Variants in RIN3 observed in about 807,000 individuals in gnomAD.
The protein encoded by RIN3 is Ras and Rab interactor 3, also known as RAB5 interacting protein 3.
Under a neutral mutation model 76.3 loss-of-function variants are expected in RIN3, and 54 were observed. The observed-to-expected ratio is 0.71, with a 90% CI of 0.57 to 0.89. The LOEUF (loss-of-function observed/expected upper bound fraction) is 0.89. RIN3 is among the 40% of genes least tolerant of loss of function. The probability of loss-of-function intolerance (pLI) is 0.00; values close to 1 mark genes in which losing one functional copy is unlikely to be tolerated. For missense variants in RIN3, 1,256 were observed against 1,322.1 expected (o/e 0.95, Z 0.78); for synonymous variants, 576 against 564.0 (o/e 1.02, Z -0.30).
intron 1 of RIN3, among the ~76,000 whole-genome samples, chr14:92,521,952 C>G (rs1167969909): frequency 1.3e-5 from 2 of 152,054 alleles, no homozygotes; most frequent in Non-Finnish European, 2.9e-5. Context: ...CAAGCATATG[C>G]AGAGAAGCGT....
At chr14:92,578,036 T>C (rs2140060268) in intron 3 of RIN3, among the ~76,000 whole-genome samples, 1 of 152,218 alleles carries the variant, frequency 6.6e-6, no homozygotes, top group East Asian at 1.9e-4. Context: ...GCCCAGGATC[T>C]GGAGACTAGC....
At chr14:92,674,046 C>T (rs1051857690) in intron 7 of RIN3, among the ~76,000 whole-genome samples, 3 of 152,100 alleles carry the variant, frequency 2.0e-5, no homozygotes, top group African/African-American at 7.2e-5. Flanking sequence ...TTGATAAACA[C>T]ATATGGGGCA....
At chr14:92,533,910 G>T (rs917525079) in intron 1 of RIN3, among the ~76,000 whole-genome samples, 6 of 152,144 alleles carry the variant, frequency 3.9e-5, no homozygotes, top group African/African-American at 1.4e-4. Flanking sequence ...CTCATTTCAA[G>T]TGTTTAATAA....
At chr14:92,520,540 C>T (rs1281623220) in intron 1 of RIN3, among the ~76,000 whole-genome samples, 5 of 152,196 alleles carry the variant, frequency 3.3e-5, no homozygotes, top group South Asian at 2.1e-4. Flanking sequence ...CCCTACCTCC[C>T]GACTGACATT....
At chr14:92,659,621 A>G (rs1385110780) in intron 7 of RIN3, 152 bp downstream of exon 7, 1 of 671,720 alleles carries the variant, frequency 1.5e-6, no homozygotes, top group African/African-American at 1.8e-5. Flanking sequence ...GGTGGGGTGT[A>G]ATTCCTGGGC....
chr14:92,522,544 C>G (rs1896628787), intron 1 of RIN3, among the ~76,000 whole-genome samples: 1 of 152,164 alleles, frequency 6.6e-6, no homozygotes, highest in Non-Finnish European at 1.5e-5. Context: ...TACCTGCCAT[C>G]TTCGATGGTG....
intron 7 of RIN3, among the ~76,000 whole-genome samples, chr14:92,661,723 T>TCTCACACACACACACACA (rs1555392557): frequency 2.2e-5 from 3 of 134,878 alleles, no homozygotes; most frequent in African/African-American, 8.6e-5. Context: ...TGAGACTCTG[T>TCTCACACACACACACACA]CACACACACA....
chr14:92,520,481 C>T (rs60874476), intron 1 of RIN3, among the ~76,000 whole-genome samples: 10,078 of 152,250 alleles, frequency 0.066, 1,122 homozygotes, highest in African/African-American at 0.23. Context: ...GACTCTGGGA[C>T]GTTTAGCAAA....
Position 92,661,760 on chromosome 14 carries a change from A to ACACAC in RIN3, c.2335+2291_2335+2292insCACAC, listed in dbSNP as rs1419895576. 4.0e-3 allele frequency among the ~76,000 whole-genome samples: 510 copies of ACACAC among 128,010 alleles called. 3 individuals carry two copies. Among genetic ancestry groups the ACACAC allele is most frequent in the Middle Eastern group, 0.015 (4 of 266 alleles). 84.0% of individuals were successfully genotyped at this position (128,010 alleles called of 152,430 possible). On this transcript the variant is annotated intron_variant, in intron 7 of 9. Coordinates refer to ENST00000216487, the MANE Select transcript of RIN3 (RefSeq NM_024832.5). ...ACACACACACACACACACACACACAAAAAATAGAATTGTGCTCCCCAAAAG... is the reference window on the plus strand; with the variant it reads ...ACACACACACACACACACACACACAACACACAAAATAGAATTGTGCTCCCCAAAAG...
At chr14:92,525,310 A>G (rs2139997419) in intron 1 of RIN3, among the ~76,000 whole-genome samples, 1 of 152,194 alleles carries the variant, frequency 6.6e-6, no homozygotes, top group East Asian at 1.9e-4. Flanking sequence ...GCCCCACTAG[A>G]CTGTAAGCTC....
rs146427598 is a variant in RIN3 at position 92,565,070 on chromosome 14, G to A, written c.249+9115G>A. ...GGTGGACAAAGGTGGCCCCGGCACT[G>A]GCACTTGTCTCCCTGTGTTCCCTCA... On this transcript the variant is annotated intron_variant, in intron 2 of 9. Coordinates refer to ENST00000216487, the MANE Select transcript of RIN3 (RefSeq NM_024832.5). 4.4e-3 allele frequency among the ~76,000 whole-genome samples: 667 copies of A among 152,284 alleles called. 2 individuals are homozygous for A. Among genetic ancestry groups the A allele is most frequent in the African/African-American group, 0.015 (639 of 41,568 alleles).
At chr14:92,677,962 C>T (rs1302119829) in intron 8 of RIN3, among the ~76,000 whole-genome samples, 8 of 149,090 alleles carry the variant, frequency 5.4e-5, no homozygotes, top group East Asian at 2.0e-4. Flanking sequence ...TACCCACCCA[C>T]GTATTCACCC....
chr14:92,665,544 A>G (rs779934458), intron 7 of RIN3, among the ~76,000 whole-genome samples: 1 of 151,596 alleles, frequency 6.6e-6, no homozygotes, highest in African/African-American at 2.4e-5. Flanking sequence ...ATGCCCGGCT[A>G]ATTTTTTTTC....
chr14:92,557,047 C>T (rs1022155060), intron 2 of RIN3, among the ~76,000 whole-genome samples: 5 of 152,172 alleles, frequency 3.3e-5, no homozygotes, highest in African/African-American at 9.7e-5. Context: ...CCTGCAGCCC[C>T]GTAACCACCA....
At chr14:92,600,566 G>T (rs1385752323) in intron 3 of RIN3, among the ~76,000 whole-genome samples, 3 of 152,240 alleles carry the variant, frequency 2.0e-5, no homozygotes, top group African/African-American at 7.2e-5. Context: ...TGGTGAAGAG[G>T]ATGGAGCGTG....
rs954598429 is a variant in RIN3, at chr14:92,629,379, A to C, written c.441-11859A>C. 7.2e-5 allele frequency among the ~76,000 whole-genome samples: 11 copies of C among 152,188 alleles called. No homozygotes were observed. The East Asian group carries it at 2.1e-3, about 29-fold the overall frequency. ...AGGGGTTTACTGAAAATGAAAGTAC[A>C]CTCCACAGTGTGGGAGCAGGCCCAA... On this transcript the variant is annotated intron_variant, in intron 4 of 9. Coordinates refer to ENST00000216487, the MANE Select transcript of RIN3 (RefSeq NM_024832.5).
intron 1 of RIN3, among the ~76,000 whole-genome samples, chr14:92,537,634 C>CTT (rs576683908): frequency 0.011 from 582 of 51,670 alleles, 84 homozygotes; most frequent in Non-Finnish European, 0.012. Context: ...GCCTTAGGGA[C>CTT]TTTTTTTTTT....
At chr14:92,598,618 A>T in intron 3 of RIN3, among the ~76,000 whole-genome samples, 1 of 152,234 alleles carries the variant, frequency 6.6e-6, no homozygotes, top group Admixed American at 6.5e-5. Flanking sequence ...AGTGGTGGGA[A>T]CAGGATTTAA....
chr14:92,595,036 G>A (rs943137298), intron 3 of RIN3, among the ~76,000 whole-genome samples: 2 of 152,176 alleles, frequency 1.3e-5, no homozygotes, highest in East Asian at 3.8e-4. Context: ...CCAAGAATGA[G>A]CTGCATACTG....
Sources: gnomAD v4.1 joint callset for allele counts (sites outside exome capture counted in the v4.1 genomes callset) on GRCh38, gnomAD v4.1.1 for gene constraint, MANE v1.5 for transcripts, NCBI Gene and HGNC (gene_info 2026-07-23, HGNC 2026-07-21) for gene names.